The following CDH8 variants were observed in gnomAD, a reference collection of about 807,000 sequenced individuals.
CDH8 encodes the protein cadherin 8.
A neutral mutation model predicts 68.1 loss-of-function variants in CDH8; 17 were observed. That is an observed-to-expected ratio of 0.25 (90% CI 0.17 to 0.37). The LOEUF (loss-of-function observed/expected upper bound fraction) is 0.37, where lower values mean the gene tolerates loss of function less well. Among genes scored for constraint, CDH8 ranks in the 10% least tolerant of loss-of-function variants. CDH8 has a pLI of 1.00. For synonymous variants in CDH8, 372 were observed against 365.1 expected (o/e 1.02, Z -0.21); for missense variants, 763 against 999.3 (o/e 0.76, Z 3.19).
chr16:61,664,773 G>T (rs113252755), intron 10 of CDH8, among the ~76,000 whole-genome samples: 1,851 of 152,074 alleles, frequency 0.012, 41 homozygotes, highest in African/African-American at 0.041. Flanking sequence ...GTGCATACCA[G>T]AATTCTATTT....
chr16:62,002,977 G>T (rs939872796), intron 2 of CDH8, among the ~76,000 whole-genome samples: 1 of 152,088 alleles, frequency 6.6e-6, no homozygotes, highest in Non-Finnish European at 1.5e-5. Flanking sequence ...GGCGTGAACC[G>T]GAAGGCGGAA....
At chr16:61,660,754 G>A (rs547303096) in intron 10 of CDH8, among the ~76,000 whole-genome samples, 19 of 152,064 alleles carry the variant, frequency 1.2e-4, no homozygotes, top group African/African-American at 3.6e-4. Flanking sequence ...CCAGACGGAC[G>A]TGGGATAACA....
chr16:61,952,289 T>C (rs901994033), intron 2 of CDH8, among the ~76,000 whole-genome samples: 1 of 152,168 alleles, frequency 6.6e-6, no homozygotes, highest in Admixed American at 6.5e-5. Flanking sequence ...ATAAATATAT[T>C]TTGAGCTCCC....
chr16:61,907,019 T>C (rs192928264), intron 2 of CDH8, among the ~76,000 whole-genome samples: 35 of 152,358 alleles, frequency 2.3e-4, no homozygotes, highest in African/African-American at 8.2e-4. Context: ...GTAAGAACCC[T>C]GGTCTTCAGT....
intron 3 of CDH8, among the ~76,000 whole-genome samples, chr16:61,891,558 T>C (rs920252259): frequency 1.4e-4 from 21 of 152,114 alleles, no homozygotes; most frequent in African/African-American, 5.1e-4. Flanking sequence ...TTGCTTCACT[T>C]TCATTATAAA....
intron 10 of CDH8, among the ~76,000 whole-genome samples, chr16:61,657,497 A>G (rs1337470551): frequency 1.3e-5 from 2 of 152,130 alleles, no homozygotes; most frequent in East Asian, 3.9e-4. Flanking sequence ...AAGCAGTTAT[A>G]TACCAAATGA....
intron 8 of CDH8, among the ~76,000 whole-genome samples, chr16:61,781,858 T>C (rs1961065334): frequency 6.6e-6 from 1 of 152,184 alleles, no homozygotes; most frequent in Admixed American, 6.5e-5. Context: ...AATCACCAAA[T>C]GGCATGCTTT....
intron 10 of CDH8, among the ~76,000 whole-genome samples, chr16:61,706,584 G>A (rs1454225653): frequency 7.7e-6 from 1 of 130,576 alleles, no homozygotes; most frequent in Admixed American, 9.2e-5. Context: ...TCGCGCCACC[G>A]CACTCCAGCC....
At chr16:61,929,415 G>T (rs758918569) in intron 2 of CDH8, among the ~76,000 whole-genome samples, 4 of 152,068 alleles carry the variant, frequency 2.6e-5, no homozygotes, top group Non-Finnish European at 2.9e-5. Flanking sequence ...GTTTGGGCTA[G>T]GTGTTTTCAT....
chr16:61,899,806 T>A (rs1963934906), intron 3 of CDH8, among the ~76,000 whole-genome samples: 1 of 148,868 alleles, frequency 6.7e-6, no homozygotes, highest in African/African-American at 2.5e-5. Context: ...AAATTCCAAC[T>A]AATTTCCATC....
At chr16:61,880,291 AG>A (rs1415407841) in intron 3 of CDH8, among the ~76,000 whole-genome samples, 1 of 152,208 alleles carries the variant, frequency 6.6e-6, no homozygotes, top group Non-Finnish European at 1.5e-5. Context: ...GGTAAATAAA[AG>A]TTAGAGTTGT....
chr16:61,959,984 G>GTATATATATATATA (rs1181394965), intron 2 of CDH8, among the ~76,000 whole-genome samples: 873 of 44,408 alleles, frequency 0.02, 61 homozygotes, highest in Non-Finnish European at 0.025. Flanking sequence ...GTGTGTGTGT[G>GTATATATATATATA]TATATATATA....
At chr16:61,782,206 C>G (rs977019624) in intron 8 of CDH8, among the ~76,000 whole-genome samples, 1 of 152,142 alleles carries the variant, frequency 6.6e-6, no homozygotes, top group Admixed American at 6.5e-5. Context: ...GAGTGCCAGA[C>G]AGTGGGCGCA....
rs542253773 is a variant in CDH8 at position 62,018,862 on chromosome 16, T to G, written c.252+2290A>C. 1.1e-4 allele frequency among the ~76,000 whole-genome samples: 17 copies of G among 152,320 alleles called. No individual in the cohort carries two copies. The South Asian group carries it at 3.3e-3, about 30-fold the overall frequency. The stretch of plus-strand genomic sequence containing the variant: ...GAAGCATGAACGTCTCACGTGTCAA[T>G]AAGTCACAAGAAGATGCTGAATGCC... On this transcript the variant is annotated intron_variant, in intron 2 of 11. Transcript: ENST00000577390.
intron 1 of CDH8, among the ~76,000 whole-genome samples, chr16:62,034,169 C>T (rs1289411556): frequency 2.8e-5 from 4 of 145,198 alleles, no homozygotes; most frequent in African/African-American, 1.1e-4. Context: ...CAGCCCCCAC[C>T]TCATATATAT....
chr16:61,726,945 A>T, intron 9 of CDH8, 149 bp downstream of exon 9: 1 of 813,078 alleles, frequency 1.2e-6, no homozygotes. Flanking sequence ...GGAGAAAAAA[A>T]ATTCCCTCTC....
chr16:61,728,959 A>C (rs1055243906), intron 8 of CDH8, among the ~76,000 whole-genome samples: 16 of 151,194 alleles, frequency 1.1e-4, no homozygotes, highest in African/African-American at 3.1e-4. Flanking sequence ...TGTCTTATAC[A>C]GTATTGGACA....
At chr16:61,787,589 GGGTATATACC>G (rs1961257519) in intron 8 of CDH8, among the ~76,000 whole-genome samples, 2 of 139,528 alleles carry the variant, frequency 1.4e-5, no homozygotes, top group African/African-American at 5.6e-5. Context: ...TCCCATTACT[GGGTATATACC>G]CAAAGGACTA....
chr16:61,864,790 A>C (rs1963221760), intron 3 of CDH8, among the ~76,000 whole-genome samples: 1 of 152,182 alleles, frequency 6.6e-6, no homozygotes, highest in Non-Finnish European at 1.5e-5. Context: ...GAAGACAGGG[A>C]TTCCAATTCT....
Sources: gnomAD v4.1 joint callset for allele counts (sites outside exome capture counted in the v4.1 genomes callset) on GRCh38, gnomAD v4.1.1 for gene constraint, MANE v1.5 for transcripts, NCBI Gene and HGNC (gene_info 2026-07-23, HGNC 2026-07-21) for gene names.